Variants in AHCY observed in about 807,000 individuals in gnomAD.
AHCY encodes adenosylhomocysteinase, also known as S-adenosyl-L-homocysteine hydrolase.
In AHCY, 24 loss-of-function variants were observed where a neutral mutation model predicts 45.4. The observed-to-expected ratio is 0.53, with a 90% CI of 0.38 to 0.74. The LOEUF (loss-of-function observed/expected upper bound fraction) is 0.74, where lower values mean the gene tolerates loss of function less well. Among genes scored for constraint, AHCY ranks in the 30% least tolerant of loss-of-function variants. The pLI is 0.00. For synonymous variants in AHCY, 245 were observed against 235.1 expected, an observed-to-expected ratio of 1.04 and a Z score of -0.39; for missense variants, 449 against 594.1, an observed-to-expected ratio of 0.76 and a Z score of 2.54.
upstream of AHCY, among the ~76,000 whole-genome samples, chr20:34,307,177 C>T (rs971936320): frequency 6.6e-6 from 1 of 151,040 alleles, no homozygotes; most frequent in African/African-American, 2.5e-5. Context: ...ACCTCCACCT[C>T]TCCCAGGCTC....
chr20:34,250,476 TG>T, the AHCY span, among the ~76,000 whole-genome samples: 2 of 152,164 alleles, frequency 1.3e-5, no homozygotes, highest in Non-Finnish European at 2.9e-5. Flanking sequence ...CAGGCCAGCC[TG>T]GGCAACACAG....
At chr20:34,244,395 A>C in the AHCY span, among the ~76,000 whole-genome samples, 2 of 152,206 alleles carry the variant, frequency 1.3e-5, no homozygotes, top group Non-Finnish European at 2.9e-5. Flanking sequence ...TATAGCCAGA[A>C]TAAGAACCTC....
chr20:34,269,946 T>TAAAAAAAAAAAAA, the AHCY span, among the ~76,000 whole-genome samples: 19 of 59,236 alleles, frequency 3.2e-4, no homozygotes, highest in African/African-American at 1.4e-3. Flanking sequence ...AACTCTGTCT[T>TAAAAAAAAAAAAA]AAAAAAAAAA....
chr20:34,272,038 C>A, the AHCY span, among the ~76,000 whole-genome samples: 1 of 105,646 alleles, frequency 9.5e-6, no homozygotes, highest in African/African-American at 2.6e-5. Flanking sequence ...GATTATACAA[C>A]GTGCCTCCAA....
the AHCY span, chr20:34,269,100 G>A: frequency 3.2e-6 from 5 of 1,568,312 alleles, no homozygotes. Context: ...TGCGACCCGT[G>A]CGCCTCCTGC....
the AHCY span, among the ~76,000 whole-genome samples, chr20:34,239,009 T>A: frequency 6.6e-6 from 1 of 152,214 alleles, no homozygotes; most frequent in Non-Finnish European, 1.5e-5. Context: ...AGCTTCCTAC[T>A]CTGCCATCTT....
the AHCY span, among the ~76,000 whole-genome samples, chr20:34,248,826 G>A: frequency 2.6e-5 from 4 of 151,452 alleles, no homozygotes; most frequent in African/African-American, 9.7e-5. Context: ...GAAATATTCA[G>A]CAGAATATGT....
At chr20:34,269,946 TAAAAAAAAAAAAAAA>T in the AHCY span, among the ~76,000 whole-genome samples, 41 of 59,234 alleles carry the variant, frequency 6.9e-4, no homozygotes, top group African/African-American at 1.5e-3. Context: ...AACTCTGTCT[TAAAAAAAAAAAAAAA>T]AAAAAAAAAA....
chr20:34,272,489 C>A, the AHCY span, among the ~76,000 whole-genome samples: 1 of 152,210 alleles, frequency 6.6e-6, no homozygotes, highest in South Asian at 2.1e-4. Flanking sequence ...ACTTCAGACA[C>A]CAGTCAAAAG....
chr20:34,281,848 A>C (rs2036014923), intron 9 of AHCY: 1 of 158,054 alleles, frequency 6.3e-6, no homozygotes, highest in African/African-American at 2.4e-5. Flanking sequence ...TTCTGTTTTT[A>C]GTAGAGATGG....
the AHCY span, chr20:34,246,248 C>G: frequency 3.2e-6 from 5 of 1,547,764 alleles, no homozygotes; most frequent in Non-Finnish European, 4.4e-6. Context: ...GCCTCTTCCA[C>G]CTCTCTTCTG....
intron 9 of AHCY, among the ~76,000 whole-genome samples, chr20:34,284,814 C>T (rs2036118011): frequency 6.6e-6 from 1 of 152,156 alleles, no homozygotes. Context: ...CAGAGTGAGA[C>T]TCTATCTCAA....
the AHCY span, among the ~76,000 whole-genome samples, chr20:34,266,180 C>T: frequency 2.0e-5 from 3 of 151,620 alleles, no homozygotes; most frequent in Non-Finnish European, 2.9e-5. Context: ...GGAGAAACCC[C>T]GTCTCTACTA....
rs78216699 is a variant in AHCY at position 34,303,290 on chromosome 20, G to A, written c.-20C>T. On this transcript the variant is annotated 5_prime_UTR_variant, in exon 1 of 10. Transcript: ENST00000217426. ...AGACATGCTGGCGGCACTCGTGATG[G>A]AAACGGGCGAAGGGGGCTGGGCCTC... 5.8e-4 allele frequency: 905 copies of A among 1,551,760 alleles called. 4 individuals carry two copies. In the African/African-American group the frequency reaches 0.011, roughly 19 times the overall value.
At chr20:34,248,540 C>T in the AHCY span, among the ~76,000 whole-genome samples, 1 of 152,220 alleles carries the variant, frequency 6.6e-6, no homozygotes, top group East Asian at 1.9e-4. Context: ...CGATGGCTCA[C>T]GCTTGTAATT....
At chr20:34,303,025 G>C (rs1011385184) in intron 1 of AHCY, 1 of 985,472 alleles carries the variant, frequency 1.0e-6, no homozygotes, top group African/African-American at 1.7e-5. Flanking sequence ...CGGCGTCGCG[G>C]GGCATGCTGG....
chr20:34,257,889 A>T, the AHCY span, among the ~76,000 whole-genome samples: 1 of 152,182 alleles, frequency 6.6e-6, no homozygotes, highest in South Asian at 2.1e-4. Flanking sequence ...CACACCTGTA[A>T]CCCCAGCACT....
the AHCY span, among the ~76,000 whole-genome samples, chr20:34,269,561 T>G: frequency 6.6e-6 from 1 of 151,622 alleles, no homozygotes; most frequent in East Asian, 1.9e-4. Flanking sequence ...ACCAGGAAAT[T>G]CAGACCAGCC....
the AHCY span, chr20:34,269,182 G>A: frequency 1.3e-6 from 2 of 1,488,614 alleles, no homozygotes; most frequent in Non-Finnish European, 1.8e-6. Context: ...CCCCACTCCC[G>A]GCCGCGAGCA....
Sources: allele counts gnomAD v4.1 joint callset (sites outside exome capture counted in the v4.1 genomes callset), GRCh38; gene constraint gnomAD v4.1.1; transcripts MANE v1.5; gene names NCBI Gene and HGNC (gene_info 2026-07-23, HGNC 2026-07-21).